Variants in PTGIS observed in about 807,000 individuals in gnomAD.
PTGIS encodes prostaglandin I2 synthase.
In PTGIS, 45 loss-of-function variants were observed where a neutral mutation model predicts 50.3. The observed-to-expected ratio is 0.90, with a 90% CI of 0.70 to 1.15. PTGIS has a LOEUF of 1.15. PTGIS is among the 50% of genes most tolerant of loss of function. The pLI, the probability that PTGIS is intolerant of heterozygous loss-of-function variation, is 0.00. For missense variants in PTGIS, 668 were observed against 661.3 expected (o/e 1.01, Z -0.11); for synonymous variants, 260 against 267.7 (o/e 0.97, Z 0.28).
chr20:49,524,049 C>G lies in PTGIS; in HGVS notation c.855+9G>C. On this transcript the variant is annotated intron_variant, in intron 6 of 9. Transcript: ENST00000244043. ...ACCTGCACACACCCACTTGCACATT[C>G]ACACCCACCTGTGTGGCCCACAGCT... is the stretch of plus-strand genomic sequence containing the variant. The G allele has an allele frequency of 6.2e-7, 1 of 1,614,232 alleles. No individual in the cohort carries two copies.
In PTGIS at chr20:49,540,823, G is replaced by C. The variant is rs1174111801; in HGVS notation, c.522-1102C>G. 6.6e-6 allele frequency among the ~76,000 whole-genome samples: 1 copy of C among 152,208 alleles called. No individual in the cohort carries two copies. Among genetic ancestry groups the C allele is most frequent in the African/African-American group, 2.4e-5 (1 of 41,446 alleles). On this transcript the variant is annotated intron_variant, in intron 4 of 9. Coordinates refer to ENST00000244043, the MANE Select transcript of PTGIS (RefSeq NM_000961.4). This position sits in a 1 kb window ranked among gnomAD's most constrained non-coding sequence, Gnocchi z 4.8. ...TCATTTTGTCATCTCTGCCTCAGCA[G>C]AGAGTCACAACAAAGAGACGCAACC...
chr20:49,532,126 A>C (rs1981949532), intron 5 of PTGIS, among the ~76,000 whole-genome samples: 1 of 152,246 alleles, frequency 6.6e-6, no homozygotes, highest in Admixed American at 6.5e-5. Flanking sequence ...CAATAATTTT[A>C]ACATTGGTTA....
chr20:49,543,870 A>C (rs775172126), intron 4 of PTGIS, among the ~76,000 whole-genome samples: 5 of 152,192 alleles, frequency 3.3e-5, no homozygotes, highest in Non-Finnish European at 7.3e-5. Flanking sequence ...GTATCCCCAG[A>C]GCCTGGATTA....
At position 49,507,935 on chromosome 20, in the gene PTGIS, G is replaced by A. The variant is rs1743946126; in HGVS notation, c.1488C>T (p.Tyr496=). 1.2e-5 allele frequency: 20 copies of A among 1,612,674 alleles called. No homozygotes were observed. The highest frequency in any genetic ancestry group is 1.6e-5 in the Non-Finnish European group (19 of 1,180,040). ...MQPEHDVPVR[Y]RIRP ...GCTCCCTGTGTCATGGGCGGATGCG[G>A]TAGCGGACGGGCACGTCGTGTTCCG... Residue 496 remains tyrosine, a synonymous_variant, in exon 10 of 10, where the codon TAC becomes TAT. Transcript: ENST00000244043.
chr20:49,547,414 G>A (rs1012740793), intron 3 of PTGIS, among the ~76,000 whole-genome samples: 2 of 152,146 alleles, frequency 1.3e-5, no homozygotes, highest in Non-Finnish European at 2.9e-5. Context: ...CATGCTGCCT[G>A]GCAGAGTATG....
intron 6 of PTGIS, among the ~76,000 whole-genome samples, chr20:49,517,379 T>C (rs951280555): frequency 1.3e-5 from 2 of 152,162 alleles, no homozygotes; most frequent in African/African-American, 4.8e-5. Context: ...TATCTCTGCC[T>C]GCAGGAAAAA....
intron 1 of PTGIS, among the ~76,000 whole-genome samples, chr20:49,566,638 C>A (rs552090426): frequency 6.6e-6 from 1 of 152,172 alleles, no homozygotes; most frequent in Non-Finnish European, 1.5e-5. Context: ...CCAAGGTTTC[C>A]GGAATTTTCA....
intron 6 of PTGIS, among the ~76,000 whole-genome samples, chr20:49,514,874 A>G (rs542407954): frequency 6.6e-6 from 1 of 152,280 alleles, no homozygotes; most frequent in South Asian, 2.1e-4. Context: ...TGCTTTGGCC[A>G]ATAGATTGAG....
chr20:49,550,297 A>C (rs1482644793), intron 1 of PTGIS, 108 bp from the exon 2 acceptor site: 3 of 1,433,340 alleles, frequency 2.1e-6, no homozygotes, highest in Non-Finnish European at 2.9e-6. Context: ...GGTAATCTGA[A>C]TGGAGCACTC....
rs538009315 is a variant in PTGIS, at chr20:49,557,027, G to A, written c.75-6838C>T. On this transcript the variant is annotated intron_variant, in intron 1 of 9. Coordinates refer to ENST00000244043, the MANE Select transcript of PTGIS (RefSeq NM_000961.4). ...TTTTCATACCTGCCTACTGATATAC[G>A]GACTTGAGAGTAATATGGCCTCTAT... Among the ~76,000 whole-genome samples the A allele has an allele frequency of 5.3e-5, 8 of 152,000 alleles. No homozygotes were observed. In the South Asian group the frequency reaches 1.2e-3, roughly 24 times the overall value.
chr20:49,510,101 C>A (rs1423538137), intron 9 of PTGIS, among the ~76,000 whole-genome samples: 2 of 151,946 alleles, frequency 1.3e-5, no homozygotes, highest in East Asian at 3.9e-4. Context: ...GTTGGCTAGG[C>A]TGGTCTCCAA....
chr20:49,562,021 G>A (rs558442343), intron 1 of PTGIS, among the ~76,000 whole-genome samples: 2 of 152,288 alleles, frequency 1.3e-5, no homozygotes, highest in African/African-American at 4.8e-5. Flanking sequence ...AACCTTATGA[G>A]GAAGCAATTA....
At chr20:49,528,545 A>G (rs948302686) in intron 5 of PTGIS, among the ~76,000 whole-genome samples, 2 of 151,916 alleles carry the variant, frequency 1.3e-5, no homozygotes, top group African/African-American at 4.8e-5. Flanking sequence ...GCTTGAACCC[A>G]GGAGGCAGAG....
rs201691145 is a variant in PTGIS, at chr20:49,513,269, G to C, written c.1025-8C>G. ...TCTCACTCAGCACGCTATCTGCATG[G>C]GGCAGGTGCAAGGAAGAGTCAGCGG... On this transcript the variant is annotated splice_polypyrimidine_tract_variant and splice_region_variant and intron_variant, in intron 7 of 9. Transcript: ENST00000244043. 1.2e-5 allele frequency: 20 copies of C among 1,612,598 alleles called. No individual in the cohort carries two copies. The African/African-American group carries it at 1.5e-4, about 12-fold the overall frequency.
chr20:49,514,352 AGAAG>A lies in PTGIS; in HGVS notation c.895_898del (p.Leu299SerfsTer36). ...AGCAGCCAGGGCTTCAGGATTCTTG[AGAAG>A]GAAGAGCAGGAGCCAGAAGGCAGCG... On this transcript the variant is annotated frameshift_variant, in exon 7 of 10. Transcript: ENST00000244043. LOFTEE classifies it high-confidence loss of function. 6.2e-7 allele frequency: 1 copy of A among 1,614,058 alleles called. No individual in the cohort carries two copies. The highest frequency in any genetic ancestry group is 8.5e-7 in the Non-Finnish European group (1 of 1,180,034).
intron 2 of PTGIS, among the ~76,000 whole-genome samples, chr20:49,549,801 A>G (rs1568683438): frequency 6.6e-6 from 1 of 152,174 alleles, no homozygotes. Context: ...CTGCATGGAT[A>G]TACAAGTATT....
intron 6 of PTGIS, among the ~76,000 whole-genome samples, chr20:49,520,427 G>T (rs185557238): frequency 2.0e-5 from 3 of 151,096 alleles, no homozygotes; most frequent in African/African-American, 7.3e-5. Flanking sequence ...TCCACCTCCC[G>T]GGTTCAAGTG....
At chr20:49,544,569 T>C (rs1982312845) in intron 3 of PTGIS, 121 bp from the exon 4 acceptor site, 2 of 1,039,468 alleles carry the variant, frequency 1.9e-6, no homozygotes, top group Non-Finnish European at 3.0e-6. Context: ...AAAGAGGTCC[T>C]GCGGAAGAGT....
chr20:49,522,794 G>A (rs1223779600), intron 6 of PTGIS, among the ~76,000 whole-genome samples: 1 of 152,192 alleles, frequency 6.6e-6, no homozygotes, highest in Non-Finnish European at 1.5e-5. Flanking sequence ...GGAGGCTGAG[G>A]CTGGTGGATC....
Sources: allele counts gnomAD v4.1 joint callset (sites outside exome capture counted in the v4.1 genomes callset), GRCh38; gene constraint gnomAD v4.1.1; non-coding constraint Gnocchi (gnomAD v3.1); transcripts MANE v1.5; gene names NCBI Gene and HGNC (gene_info 2026-07-23, HGNC 2026-07-21).